PTPRT: variants seen among roughly 807,000 people sequenced by gnomAD.
PTPRT encodes receptor-type tyrosine-protein phosphatase T.
In PTPRT, 56 loss-of-function variants were observed where a neutral mutation model predicts 176.8. That is an observed-to-expected ratio of 0.32 (90% CI 0.26 to 0.40). The LOEUF (loss-of-function observed/expected upper bound fraction) is 0.40. PTPRT is among the 10% of genes least tolerant of loss of function. PTPRT has a pLI of 1.00. For synonymous variants in PTPRT, 783 were observed against 739.0 expected (o/e 1.06, Z -0.96); for missense variants, 1,540 against 1,908.2 (o/e 0.81, Z 3.60).
intron 1 of PTPRT, among the ~76,000 whole-genome samples, chr20:43,013,420 C>G (rs1028916987): frequency 3.3e-5 from 5 of 152,106 alleles, no homozygotes; most frequent in African/African-American, 9.7e-5. Context: ...TCTTTTGTGC[C>G]CAGAGGGTGT....
In PTPRT at chr20:42,660,404, G is replaced by A. The variant is rs543110987; in HGVS notation, c.1153+17462C>T. On this transcript the variant is annotated intron_variant, in intron 7 of 30. Coordinates refer to ENST00000373187, the MANE Select transcript of PTPRT (RefSeq NM_007050.6). The stretch of plus-strand genomic sequence containing the variant: ...GGTATTGTAAGCTTATTCCAGCAAC[G>A]GTGCTGGAATAATAGGTTAAATACT... 2.9e-3 allele frequency among the ~76,000 whole-genome samples: 441 copies of A among 152,130 alleles called. 3 individuals are homozygous for A. The highest frequency in any genetic ancestry group is 1.5e-3 in the Non-Finnish European group (100 of 67,996).
intron 16 of PTPRT, among the ~76,000 whole-genome samples, chr20:42,191,812 GA>G (rs1970717666): frequency 6.6e-6 from 1 of 152,168 alleles, no homozygotes; most frequent in Non-Finnish European, 1.5e-5. Flanking sequence ...ATTGAAGAGA[GA>G]ATACATTATG....
At position 42,472,489 on chromosome 20, in the gene PTPRT, G is replaced by C. The variant is rs1568910370; in HGVS notation, c.1227C>G (p.Pro409=). The C allele has an allele frequency of 6.2e-7, 1 of 1,614,232 alleles. No individual in the cohort carries two copies. The highest frequency in any genetic ancestry group is 8.5e-7 in the Non-Finnish European group (1 of 1,180,048). Residue 409 remains proline (P), a synonymous_variant, in exon 8 of 31, where the codon CCC becomes CCG. Coordinates refer to ENST00000373187, the MANE Select transcript of PTPRT (RefSeq NM_007050.6). ...RARQLTLQWE[P]FGYAVTRCHS... ...GGCAGCGGGTCACCGCGTAGCCGAA[G>C]GGCTCCCACTGCAGGGTCAGCTGCC...
chr20:42,649,039 T>C (rs527770092), intron 7 of PTPRT, among the ~76,000 whole-genome samples: 1 of 152,108 alleles, frequency 6.6e-6, no homozygotes, highest in East Asian at 1.9e-4. Flanking sequence ...CAGGATGGTC[T>C]CAATCTCATG....
intron 7 of PTPRT, among the ~76,000 whole-genome samples, chr20:42,497,279 T>G (rs2071671928): frequency 6.6e-6 from 1 of 152,182 alleles, no homozygotes; most frequent in African/African-American, 2.4e-5. Flanking sequence ...CTCTTTCTTA[T>G]AACTGAATGT....
chr20:42,401,164 TAAAC>T (rs1311646523), intron 9 of PTPRT, among the ~76,000 whole-genome samples: 1 of 143,212 alleles, frequency 7.0e-6, no homozygotes, highest in African/African-American at 2.6e-5. Context: ...AATAAATAAA[TAAAC>T]AAACCTTTAT....
At chr20:42,106,648 G>A in intron 24 of PTPRT, 138 bp downstream of exon 24, 1 of 1,188,186 alleles carries the variant, frequency 8.4e-7, no homozygotes, top group Admixed American at 2.2e-5. Flanking sequence ...TAAGCCACGT[G>A]TCTACTCCCT....
intron 6 of PTPRT, among the ~76,000 whole-genome samples, chr20:42,752,215 T>A (rs562448826): frequency 6.6e-6 from 1 of 152,224 alleles, no homozygotes; most frequent in African/African-American, 2.4e-5. Flanking sequence ...TACTTCTTTG[T>A]CTGATAAATC....
chr20:42,049,695 G>C, the PTPRT span, among the ~76,000 whole-genome samples: 189 of 152,214 alleles, frequency 1.2e-3, no homozygotes, highest in African/African-American at 4.4e-3. Context: ...CTTGTTGTGG[G>C]GCTGGGGTAC....
chr20:42,448,129 T>G, intron 9 of PTPRT, 91 bp downstream of exon 9: 1 of 999,388 alleles, frequency 1.0e-6, no homozygotes, highest in Non-Finnish European at 1.6e-6. Flanking sequence ...CTCACCTTTA[T>G]ACGTTCAGCA....
intron 6 of PTPRT, among the ~76,000 whole-genome samples, chr20:42,755,799 T>TG (rs1233931697): frequency 1.3e-5 from 2 of 151,934 alleles, no homozygotes; most frequent in South Asian, 4.2e-4. Flanking sequence ...TGACTGCAAA[T>TG]GGGGGGGTTT....
At chr20:42,223,912 T>C (rs1380293727) in intron 15 of PTPRT, among the ~76,000 whole-genome samples, 1 of 152,176 alleles carries the variant, frequency 6.6e-6, no homozygotes, top group East Asian at 1.9e-4. Flanking sequence ...CTCAATTTGG[T>C]CTACAACATT....
chr20:42,781,874 G>GA (rs1325459256), intron 3 of PTPRT, among the ~76,000 whole-genome samples: 4 of 152,190 alleles, frequency 2.6e-5, no homozygotes, highest in Non-Finnish European at 4.4e-5. Flanking sequence ...TGTTCCAAGT[G>GA]CCTAGGTTCA....
At chr20:42,032,630 C>G in the PTPRT span, among the ~76,000 whole-genome samples, 1 of 152,196 alleles carries the variant, frequency 6.6e-6, no homozygotes, top group Non-Finnish European at 1.5e-5. Flanking sequence ...GTAATCCCCT[C>G]CTTTTAAGTG....
intron 11 of PTPRT, among the ~76,000 whole-genome samples, chr20:42,347,178 C>T (rs956298269): frequency 3.9e-5 from 6 of 152,208 alleles, no homozygotes; most frequent in East Asian, 1.9e-4. Context: ...CCAGCTGACT[C>T]ACCAGGTAGG....
intron 9 of PTPRT, among the ~76,000 whole-genome samples, chr20:42,411,586 G>A (rs1343884611): frequency 2.0e-5 from 3 of 149,376 alleles, no homozygotes; most frequent in African/African-American, 7.4e-5. Flanking sequence ...TAGCCAGACT[G>A]ATCGAGAAAG....
At chr20:42,387,240 C>T (rs2058753349) in intron 9 of PTPRT, among the ~76,000 whole-genome samples, 1 of 152,172 alleles carries the variant, frequency 6.6e-6, no homozygotes, top group Non-Finnish European at 1.5e-5. Flanking sequence ...TGGTAATACG[C>T]TGCTTGGGTC....
At chr20:42,265,544 C>G (rs552403770) in intron 13 of PTPRT, among the ~76,000 whole-genome samples, 1 of 152,246 alleles carries the variant, frequency 6.6e-6, no homozygotes, top group African/African-American at 2.4e-5. Flanking sequence ...TCCCCCAGAG[C>G]TGCCCCCTCT....
intron 5 of PTPRT, among the ~76,000 whole-genome samples, chr20:42,769,265 A>AT (rs2077028526): frequency 6.6e-6 from 1 of 152,172 alleles, no homozygotes; most frequent in African/African-American, 2.4e-5. Flanking sequence ...ATGCCCAAGG[A>AT]TTTTTCTAAC....
Sources: gnomAD v4.1 joint callset for allele counts (sites outside exome capture counted in the v4.1 genomes callset) on GRCh38, gnomAD v4.1.1 for gene constraint, MANE v1.5 for transcripts, NCBI Gene and HGNC (gene_info 2026-07-23, HGNC 2026-07-21) for gene names.